Variants in OR51B5 observed in about 807,000 individuals in gnomAD.
The protein encoded by OR51B5 is olfactory receptor 51B5.
For synonymous variants in OR51B5, 186 were observed against 144.8 expected (o/e 1.28, Z -2.04); for missense variants, 456 against 374.6 (o/e 1.22, Z -1.79).
chr11:5,355,077 G>T, intron 1 of OR51B5: 1 of 174,264 alleles, frequency 5.7e-6, no homozygotes. Flanking sequence ...TTCCTGACTT[G>T]AAGAATCACA....
In OR51B5 at chr11:5,422,534, A is replaced by G. The variant is rs760583962; in HGVS notation, n.85-75624T>C. On this transcript the variant is annotated intron_variant and non_coding_transcript_variant, in intron 1 of 4. Coordinates refer to the OR51B5 transcript ENST00000415970. ...TTTCTTCCTTCATGGATTCTCCTTT[A>G]TGGAGTCTTCTGTCCTCCTGGCTAT... 2.5e-6 allele frequency: 4 copies of G among 1,614,016 alleles called. No individual in the cohort carries two copies. The African/African-American group carries it at 4.0e-5, about 16-fold the overall frequency.
At chr11:5,502,774 A>T (rs116383277) in intron 1 of OR51B5, among the ~76,000 whole-genome samples, 3,362 of 152,320 alleles carry the variant, frequency 0.022, 122 homozygotes, top group African/African-American at 0.073. Flanking sequence ...TCTGTAAGAA[A>T]TAAATGAATA....
At chr11:5,440,424 A>G in intron 1 of OR51B5, 1 of 596,970 alleles carries the variant, frequency 1.7e-6, no homozygotes. Context: ...TATGTATGCC[A>G]TTTTATAGTC....
intron 1 of OR51B5, among the ~76,000 whole-genome samples, chr11:5,386,938 G>A (rs1211021012): frequency 1.3e-5 from 2 of 151,988 alleles, no homozygotes; most frequent in Non-Finnish European, 2.9e-5. Flanking sequence ...ATGGATGCTG[G>A]GCTCAATATT....
chr11:5,378,114 T>C (rs375781610), intron 1 of OR51B5, among the ~76,000 whole-genome samples: 1 of 151,686 alleles, frequency 6.6e-6, no homozygotes, highest in African/African-American at 2.4e-5. Context: ...AAAACACAGA[T>C]ATAGATCAAT....
chr11:5,418,877 T>TAAAAAAAAA lies in OR51B5; in HGVS notation n.85-71976_85-71968dup, dbSNP rs10636129. 6.3e-4 allele frequency among the ~76,000 whole-genome samples: 84 copies of TAAAAAAAAA among 133,620 alleles called. 2 individuals are homozygous for TAAAAAAAAA. The highest frequency in any genetic ancestry group is 1.8e-3 in the African/African-American group (66 of 36,200). 87.7% of individuals were successfully genotyped at this position (133,620 alleles called of 152,430 possible). Reference sequence around the variant, plus strand: ...ATGTACCCCAGAACTTGAAGTATTATAAAAAAAAAAAAAGCATCATCTGGT... The same window carrying TAAAAAAAAA: ...ATGTACCCCAGAACTTGAAGTATTATAAAAAAAAAAAAAAAAAAAAAAGCATCATCTGGT... On this transcript the variant is annotated intron_variant and non_coding_transcript_variant, in intron 1 of 4. Coordinates refer to the OR51B5 transcript ENST00000415970.
intron 1 of OR51B5, chr11:5,455,064 AC>A (rs1470050877): frequency 2.0e-5 from 3 of 152,274 alleles, no homozygotes; most frequent in Admixed American, 6.5e-5. Flanking sequence ...ATTAGAACTC[AC>A]CATAAAATGT....
chr11:5,370,401 A>G (rs1849430109), intron 1 of OR51B5, among the ~76,000 whole-genome samples: 1 of 152,196 alleles, frequency 6.6e-6, no homozygotes, highest in Non-Finnish European at 1.5e-5. Flanking sequence ...GTCAGGTCAG[A>G]GCAATTTACA....
intron 1 of OR51B5, among the ~76,000 whole-genome samples, chr11:5,460,518 A>C (rs903746324): frequency 7.9e-5 from 12 of 152,134 alleles, no homozygotes; most frequent in African/African-American, 2.9e-4. Context: ...ACTGTGTTTC[A>C]ACCTTCTTCA....
chr11:5,392,354 C>A (rs1172972876), intron 1 of OR51B5: 5 of 152,164 alleles, frequency 3.3e-5, no homozygotes, highest in Admixed American at 6.5e-5. Flanking sequence ...GAATATTCTT[C>A]TCCATGTTGA....
At chr11:5,345,779 C>G (rs547635827), upstream of OR51B5, 6 of 152,066 alleles carry the variant, frequency 3.9e-5, no homozygotes, top group South Asian at 1.2e-3. Context: ...TTACCTTCCA[C>G]CCATAGAGAT....
At chr11:5,346,416 G>C (rs1456349499), upstream of OR51B5, 1 of 152,110 alleles carries the variant, frequency 6.6e-6, no homozygotes, top group African/African-American at 2.4e-5. Flanking sequence ...GGGAAGGAAA[G>C]AGATCATAAA....
chr11:5,430,835 T>G (rs991891033), intron 1 of OR51B5: 1 of 457,298 alleles, frequency 2.2e-6, no homozygotes, highest in African/African-American at 2.0e-5. Flanking sequence ...ACCCCAATCA[T>G]GGGCACATAA....
chr11:5,496,095 T>C (rs1054460834), intron 1 of OR51B5, among the ~76,000 whole-genome samples: 6 of 152,076 alleles, frequency 3.9e-5, no homozygotes, highest in East Asian at 2.0e-4. Flanking sequence ...GATTGTGACC[T>C]AGTGATATTC....
chr11:5,398,694 T>C (rs1233285828), intron 1 of OR51B5, among the ~76,000 whole-genome samples: 1 of 128,172 alleles, frequency 7.8e-6, no homozygotes, highest in African/African-American at 3.2e-5. Flanking sequence ...GTTTCCCCCA[T>C]GCAGTTCTCG....
chr11:5,423,458 C>T (rs1048821426), intron 1 of OR51B5, among the ~76,000 whole-genome samples: 3 of 152,134 alleles, frequency 2.0e-5, no homozygotes, highest in Non-Finnish European at 4.4e-5. Context: ...TTTTTCTCTC[C>T]TACGGGCTTG....
At chr11:5,444,317 T>C (rs1301751638) in intron 1 of OR51B5, among the ~76,000 whole-genome samples, 1 of 152,158 alleles carries the variant, frequency 6.6e-6, no homozygotes, top group African/African-American at 2.4e-5. Context: ...AACATTCAAA[T>C]CGTAGGCTTT....
At chr11:5,394,491 T>C (rs543952019) in intron 1 of OR51B5, among the ~76,000 whole-genome samples, 1 of 152,312 alleles carries the variant, frequency 6.6e-6, no homozygotes, top group African/African-American at 2.4e-5. Context: ...CAAGCCTATA[T>C]TCCTGCAGGC....
At chr11:5,411,851 G>A (rs184319460) in intron 1 of OR51B5, among the ~76,000 whole-genome samples, 1 of 152,176 alleles carries the variant, frequency 6.6e-6, no homozygotes, top group Non-Finnish European at 1.5e-5. Flanking sequence ...TTTGTAGAGA[G>A]AGAAATTGAC....
Sources: allele counts gnomAD v4.1 joint callset (sites outside exome capture counted in the v4.1 genomes callset), GRCh38; gene constraint gnomAD v4.1.1; transcripts MANE v1.5; gene names NCBI Gene and HGNC (gene_info 2026-07-23, HGNC 2026-07-21).